The following KAT6A variants were observed in gnomAD, a reference collection of about 807,000 sequenced individuals.
The protein encoded by KAT6A is histone acetyltransferase KAT6A.
Under a neutral mutation model 198.4 loss-of-function variants are expected in KAT6A, and 9 were observed. That is an observed-to-expected ratio of 0.05 (90% CI 0.03 to 0.08). The LOEUF is 0.08. Ranked by LOEUF, KAT6A falls within the 10% of genes least tolerant of loss-of-function variation. KAT6A has a pLI of 1.00. For missense variants in KAT6A, 2,077 were observed against 2,509.9 expected, an observed-to-expected ratio of 0.83 and a Z score of 3.69; for synonymous variants, 890 against 883.0, an observed-to-expected ratio of 1.01 and a Z score of -0.14.
At chr8:42,008,603 C>G (rs1825860403) in intron 2 of KAT6A, among the ~76,000 whole-genome samples, 1 of 152,158 alleles carries the variant, frequency 6.6e-6, no homozygotes. Flanking sequence ...CCTTGGCCTT[C>G]CAAAGTGCTG....
rs1827558174 is a variant in KAT6A at position 42,039,876 on chromosome 8, G to GGC, written c.600+8500_600+8501dup. Reference sequence around the variant, plus strand: ...AGCCTCCCAAGTAGCTGGGACTACAGGCGCCCACCACAATGCCTGGCTAAT... The same window carrying GGC: ...AGCCTCCCAAGTAGCTGGGACTACAGGCGCGCCCACCACAATGCCTGGCTAAT... On this transcript the variant is annotated intron_variant, in intron 2 of 16. Coordinates refer to ENST00000265713, the MANE Select transcript of KAT6A (RefSeq NM_006766.5). Among the ~76,000 whole-genome samples, 4 of 150,934 alleles carry GGC rather than the reference G, an allele frequency of 2.7e-5. No individual in the cohort carries two copies. The South Asian group carries it at 6.2e-4, about 24-fold the overall frequency.
chr8:41,966,403 T>C (rs1043847545), intron 8 of KAT6A, among the ~76,000 whole-genome samples: 4 of 152,122 alleles, frequency 2.6e-5, no homozygotes, highest in African/African-American at 9.7e-5. Context: ...ACTACATTCA[T>C]GTAACACAAT....
chr8:41,932,275 G>C lies in KAT6A; in HGVS notation c.5945C>G (p.Ser1982Cys), dbSNP rs1446674767. The C allele has an allele frequency of 2.5e-6, 4 of 1,614,024 alleles. No individual in the cohort carries two copies. In the African/African-American group the frequency reaches 5.3e-5, roughly 22 times the overall value. Residue 1982 changes from serine (S) to cysteine (C), a missense_variant, in exon 17 of 17, where the codon TCC (serine) becomes TGC (cysteine). Transcript: ENST00000265713. The part of the protein sequence containing the change: ...PHGNMMYTGP[S>C]HHSYMNAAGV... The stretch of plus-strand genomic sequence containing the variant: ...AGCAGCGTTCATGTAGCTGTGATGG[G>C]AGGGGCCTGTGTACATCATGTTCCC...
At chr8:41,954,695 T>C (rs1030173450) in intron 9 of KAT6A, among the ~76,000 whole-genome samples, 1 of 152,198 alleles carries the variant, frequency 6.6e-6, no homozygotes, top group African/African-American at 2.4e-5. Flanking sequence ...GCTTTACAGA[T>C]GAGGAAACTG....
intron 2 of KAT6A, among the ~76,000 whole-genome samples, chr8:41,989,426 T>C (rs1384224368): frequency 1.3e-5 from 2 of 151,944 alleles, no homozygotes; most frequent in African/African-American, 4.8e-5. Flanking sequence ...GAAGAATCGC[T>C]TGAACCCGGG....
Position 42,048,448 on chromosome 8 carries a change from T to C in KAT6A, c.530A>G (p.Asp177Gly). 1.2e-6 allele frequency: 2 copies of C among 1,614,112 alleles called. No homozygotes were observed. The highest frequency in any genetic ancestry group is 1.7e-6 in the Non-Finnish European group (2 of 1,179,956). ...YRLNTKATNV[D>G]GKESCESLSC... ...AAGAGACTCACAACTCTCTTTCCCATCCACGTTGGTTGCTTTAGTGTTGAG... is the reference window on the plus strand; with the variant it reads ...AAGAGACTCACAACTCTCTTTCCCACCCACGTTGGTTGCTTTAGTGTTGAG... Residue 177 changes from aspartate to glycine, a missense_variant, in exon 2 of 17, where the codon GAT becomes GGT. By Grantham distance (94) the Asp-to-Gly change is moderately conservative. Transcript: ENST00000265713.
At chr8:42,012,025 A>G (rs991713311) in intron 2 of KAT6A, among the ~76,000 whole-genome samples, 1 of 152,194 alleles carries the variant, frequency 6.6e-6, no homozygotes, top group Non-Finnish European at 1.5e-5. Flanking sequence ...CACACAACCA[A>G]TCGTTAGGGA....
rs768661640 is a variant in KAT6A at position 41,974,855 on chromosome 8, G to C, written c.1364-33C>G. ...TAAAAAAAGAGCTCACATGTTAACT[G>C]TCCCCAGATTAATACATGAACTAGA... is the stretch of plus-strand genomic sequence containing the variant. On this transcript the variant is annotated intron_variant, in intron 7 of 16. Coordinates refer to ENST00000265713, the MANE Select transcript of KAT6A (RefSeq NM_006766.5). The C allele has an allele frequency of 4.4e-6, 6 of 1,352,908 alleles. No individual in the cohort carries two copies. In the South Asian group the frequency reaches 7.5e-5, roughly 17 times the overall value. 83.8% of individuals were successfully genotyped at this position (1,352,908 alleles called of 1,614,324 possible).
At chr8:42,002,281 A>G (rs939821043) in intron 2 of KAT6A, among the ~76,000 whole-genome samples, 1 of 152,320 alleles carries the variant, frequency 6.6e-6, no homozygotes, top group African/African-American at 2.4e-5. Flanking sequence ...TGCATTCTTC[A>G]ACCTGATGTA....
At chr8:41,991,772 C>T (rs1159758731) in intron 2 of KAT6A, among the ~76,000 whole-genome samples, 1 of 151,908 alleles carries the variant, frequency 6.6e-6, no homozygotes, top group Non-Finnish European at 1.5e-5. Flanking sequence ...TGATAACTGA[C>T]AGCACTCAGA....
intron 3 of KAT6A, among the ~76,000 whole-genome samples, chr8:41,985,086 G>A (rs750571706): frequency 2.0e-5 from 3 of 151,672 alleles, no homozygotes; most frequent in African/African-American, 4.9e-5. Flanking sequence ...CTACTTAGAC[G>A]GCAGGGCTGC....
At chr8:41,974,892 G>T (rs556146688) in intron 7 of KAT6A, 70 bp from the exon 8 acceptor site, 186 of 892,900 alleles carry the variant, frequency 2.1e-4, no homozygotes, top group Non-Finnish European at 3.2e-4. Flanking sequence ...AAAATTTCAG[G>T]TCTTTATTTC....
intron 8 of KAT6A, chr8:41,974,458 G>C (rs1823950501): frequency 3.2e-6 from 1 of 314,234 alleles, no homozygotes; most frequent in Non-Finnish European, 5.8e-6. Flanking sequence ...CATACAGTAA[G>C]ACAAAAAATA....
At chr8:41,957,079 C>T (rs369125173) in intron 8 of KAT6A, 1 of 601,858 alleles carries the variant, frequency 1.7e-6, no homozygotes, top group African/African-American at 1.8e-5. Flanking sequence ...GTTTGAGGGT[C>T]TTCCCATCAG....
intron 2 of KAT6A, among the ~76,000 whole-genome samples, chr8:42,007,988 T>A (rs199982860): frequency 0.039 from 4,428 of 113,774 alleles, 128 homozygotes; most frequent in African/African-American, 0.082. Context: ...AAAAAAAAAA[T>A]TTTTATTGTT....
intron 2 of KAT6A, among the ~76,000 whole-genome samples, chr8:42,035,016 T>A (rs115907281): frequency 0.012 from 1,817 of 152,288 alleles, 33 homozygotes; most frequent in African/African-American, 0.042. Flanking sequence ...TTGGCAATAA[T>A]GTGGACTAGA....
At chr8:41,961,849 C>A (rs1823218826) in intron 8 of KAT6A, among the ~76,000 whole-genome samples, 1 of 151,178 alleles carries the variant, frequency 6.6e-6, no homozygotes, top group Non-Finnish European at 1.5e-5. Flanking sequence ...AACCTCAAAA[C>A]AATGGCCACA....
At chr8:41,997,257 TTAAG>T (rs1825262946) in intron 2 of KAT6A, among the ~76,000 whole-genome samples, 1 of 152,156 alleles carries the variant, frequency 6.6e-6, no homozygotes, top group South Asian at 2.1e-4. Flanking sequence ...ATCAGATGAT[TTAAG>T]TAATAGGTCA....
chr8:41,996,619 T>C (rs1425688458), intron 2 of KAT6A, among the ~76,000 whole-genome samples: 1 of 151,974 alleles, frequency 6.6e-6, no homozygotes, highest in African/African-American at 2.4e-5. Context: ...ATCAGGGGAG[T>C]GGGCTAGTTA....
Sources: allele counts gnomAD v4.1 joint callset (sites outside exome capture counted in the v4.1 genomes callset), GRCh38; gene constraint gnomAD v4.1.1; transcripts MANE v1.5; gene names NCBI Gene and HGNC (gene_info 2026-07-23, HGNC 2026-07-21).